The following DCHS2 variants were observed in gnomAD, a reference collection of about 807,000 sequenced individuals.
DCHS2 encodes protocadherin-23.
In DCHS2, 142 loss-of-function variants were observed where a neutral mutation model predicts 182.4. The ratio of observed to expected loss-of-function variants is 0.78; its 90% CI spans 0.68 to 0.89. The LOEUF (loss-of-function observed/expected upper bound fraction) is 0.89, where lower values mean the gene tolerates loss of function less well. Among genes scored for constraint, DCHS2 ranks in the 40% least tolerant of loss-of-function variants. DCHS2 has a pLI of 0.00. For synonymous variants in DCHS2, 1,740 were observed against 1,663.3 expected, an observed-to-expected ratio of 1.05 and a Z score of -1.12; for missense variants, 4,319 against 4,198.6, an observed-to-expected ratio of 1.03 and a Z score of -0.79.
At chr4:154,476,701 A>T (rs1235745615) in intron 1 of DCHS2, among the ~76,000 whole-genome samples, 1 of 152,222 alleles carries the variant, frequency 6.6e-6, no homozygotes, top group Non-Finnish European at 1.5e-5. Context: ...CCATCATCTC[A>T]TGATGCTTAT....
chr4:154,422,172 C>T (rs1332800236), intron 1 of DCHS2, among the ~76,000 whole-genome samples: 1 of 152,216 alleles, frequency 6.6e-6, no homozygotes, highest in East Asian at 1.9e-4. Context: ...GGTCTTCAAT[C>T]TCTTCTTAGG....
intron 10 of DCHS2, 72 bp downstream of exon 10, chr4:154,315,676 A>G (rs2111324634): frequency 6.4e-7 from 1 of 1,559,038 alleles, no homozygotes; most frequent in South Asian, 1.2e-5. Context: ...CATAACTATT[A>G]TAAATTACGT....
chr4:154,267,111 T>C (rs1733315356), intron 14 of DCHS2, among the ~76,000 whole-genome samples: 1 of 152,262 alleles, frequency 6.6e-6, no homozygotes, highest in Non-Finnish European at 1.5e-5. Flanking sequence ...TTTTAATTCA[T>C]GCATGGCAGC....
chr4:154,296,699 T>A (rs1734939626), intron 13 of DCHS2, among the ~76,000 whole-genome samples: 1 of 152,130 alleles, frequency 6.6e-6, no homozygotes. Flanking sequence ...CTTAAAAGAA[T>A]AAGAAAATGT....
intron 13 of DCHS2, among the ~76,000 whole-genome samples, chr4:154,292,019 A>G (rs1280898732): frequency 6.6e-6 from 1 of 152,192 alleles, no homozygotes; most frequent in Non-Finnish European, 1.5e-5. Flanking sequence ...GCCTGATGTG[A>G]TTATTACACA....
chr4:154,235,122 C>G lies in DCHS2; in HGVS notation c.9530G>C (p.Cys3177Ser). ...GDQGEGCSTT[C>S]AQNNVLPQTV... ...CTGGGGTAACACATTATTTTGAGCA[C>G]AGGTGGTGCTGCAGCCTTCCCCTTG... The change falls in exon 20 of 20, where the codon TGT (cysteine) becomes TCT (serine). Residue 3177 changes from cysteine (C) to serine (S), a missense_variant. By Grantham distance (112) the Cys-to-Ser change is moderately radical. Transcript: ENST00000357232. The G allele has an allele frequency of 6.2e-7, 1 of 1,613,984 alleles. No individual in the cohort carries two copies. The highest frequency in any genetic ancestry group is 8.5e-7 in the Non-Finnish European group (1 of 1,179,956).
chr4:154,330,958 G>C (rs1371606411), intron 5 of DCHS2, among the ~76,000 whole-genome samples: 1 of 152,092 alleles, frequency 6.6e-6, no homozygotes, highest in Non-Finnish European at 1.5e-5. Flanking sequence ...TTGGAGGTCG[G>C]GGATGTAAAA....
chr4:154,409,621 G>GA (rs1272972958), intron 1 of DCHS2, among the ~76,000 whole-genome samples: 1 of 152,070 alleles, frequency 6.6e-6, no homozygotes, highest in Non-Finnish European at 1.5e-5. Flanking sequence ...TGTACCCCAA[G>GA]ACCCTGGTGC....
chr4:154,269,886 T>C lies in DCHS2; in HGVS notation c.6577+14A>G. 6.2e-7 allele frequency: 1 copy of C among 1,607,262 alleles called. No individual in the cohort carries two copies. Among genetic ancestry groups the C allele is most frequent in the Non-Finnish European group, 8.5e-7 (1 of 1,177,748 alleles). On this transcript the variant is annotated intron_variant, in intron 14 of 19. Coordinates refer to ENST00000357232, the MANE Select transcript of DCHS2 (RefSeq NM_001358235.2). ...AGCAGAAAATAAAGCTAGTATAGGG[T>C]AGAGAAGGATTACCTGACTTAGAGC...
chr4:154,337,106 C>T (rs563436933), intron 3 of DCHS2, among the ~76,000 whole-genome samples: 2 of 152,212 alleles, frequency 1.3e-5, no homozygotes, highest in East Asian at 1.9e-4. Flanking sequence ...AAAAAATTTC[C>T]AAGTCAGATC....
intron 18 of DCHS2, among the ~76,000 whole-genome samples, chr4:154,240,024 T>C (rs951857381): frequency 5.3e-5 from 8 of 152,192 alleles, no homozygotes; most frequent in Admixed American, 1.3e-4. Flanking sequence ...ATTTGCTACA[T>C]TCAAAAGTTC....
chr4:154,341,595 CACATACATTCATATATAT>C (rs1192672243), intron 3 of DCHS2, among the ~76,000 whole-genome samples: 4 of 74,596 alleles, frequency 5.4e-5, no homozygotes, highest in Non-Finnish European at 1.4e-4. Context: ...CATATATATA[CACATACATTCATATATAT>C]ATACACACAC....
Position 154,308,225 on chromosome 4 carries a change from C to T in DCHS2, c.5261-2994G>A, listed in dbSNP as rs977761927. ...CTAGTTCTTACCTAACTTGTCTTCT[C>T]TGTGGCATCATATATGGCTGACCAA... On this transcript the variant is annotated intron_variant, in intron 10 of 19. Transcript: ENST00000357232. Among the ~76,000 whole-genome samples the T allele has an allele frequency of 2.7e-5, 4 of 150,604 alleles. No individual in the cohort carries two copies. In the South Asian group the frequency reaches 6.3e-4, roughly 24 times the overall value.
intron 3 of DCHS2, chr4:154,343,415 T>G: frequency 7.7e-7 from 1 of 1,302,702 alleles, no homozygotes; most frequent in Non-Finnish European, 9.8e-7. Flanking sequence ...GGCATCTTAT[T>G]TCATATAAGG....
rs1272200749 is a variant in DCHS2 at position 154,377,453 on chromosome 4, C to T, written c.2053-9G>A. 3 of 1,605,612 alleles carry T rather than the reference C, an allele frequency of 1.9e-6. No homozygotes were observed. The highest frequency in any genetic ancestry group is 1.3e-5 in the African/African-American group (1 of 74,692). On this transcript the variant is annotated splice_polypyrimidine_tract_variant and intron_variant, in intron 1 of 19. Coordinates refer to ENST00000357232, the MANE Select transcript of DCHS2 (RefSeq NM_001358235.2). ...GCATCAGAGGCTGTCACCTGTGAGA[C>T]AGGAGGGTGATCAGGAGGAAACAGA... is the stretch of plus-strand genomic sequence containing the variant.
chr4:154,296,267 C>T (rs2111275066), intron 13 of DCHS2, among the ~76,000 whole-genome samples: 1 of 152,248 alleles, frequency 6.6e-6, no homozygotes, highest in Non-Finnish European at 1.5e-5. Context: ...GTGGTTTATC[C>T]TTAACTTTTA....
At chr4:154,281,629 A>G (rs1734152206) in intron 13 of DCHS2, among the ~76,000 whole-genome samples, 1 of 152,188 alleles carries the variant, frequency 6.6e-6, no homozygotes, top group Non-Finnish European at 1.5e-5. Context: ...GATTCAATTC[A>G]ATCCCTACCA....
chr4:154,429,223 A>C (rs1311172560), intron 1 of DCHS2, among the ~76,000 whole-genome samples: 2 of 152,288 alleles, frequency 1.3e-5, no homozygotes, highest in East Asian at 3.9e-4. Flanking sequence ...CTTTTGGTAG[A>C]CAGAACTGGT....
At chr4:154,367,261 T>A (rs1185580562) in intron 2 of DCHS2, among the ~76,000 whole-genome samples, 2 of 152,132 alleles carry the variant, frequency 1.3e-5, no homozygotes, top group Non-Finnish European at 2.9e-5. Context: ...AACACTGCTC[T>A]AGCTGCAGTG....
Sources: gnomAD v4.1 joint callset for allele counts (sites outside exome capture counted in the v4.1 genomes callset) on GRCh38, gnomAD v4.1.1 for gene constraint, MANE v1.5 for transcripts, NCBI Gene and HGNC (gene_info 2026-07-23, HGNC 2026-07-21) for gene names.